The following ZNF780B variants were observed in gnomAD, a reference collection of about 807,000 sequenced individuals.
ZNF780B encodes the protein zinc finger protein 780B.
A neutral mutation model predicts 74.1 loss-of-function variants in ZNF780B; 52 were observed. The ratio of observed to expected loss-of-function variants is 0.70; its 90% CI spans 0.56 to 0.88. The LOEUF (loss-of-function observed/expected upper bound fraction) is 0.88. ZNF780B is among the 40% of genes least tolerant of loss of function. ZNF780B has a pLI of 0.00. For missense variants in ZNF780B, 953 were observed against 1,007.6 expected (o/e 0.95, Z 0.73); for synonymous variants, 315 against 324.3 (o/e 0.97, Z 0.31).
intron 1 of ZNF780B, among the ~76,000 whole-genome samples, chr19:40,052,082 A>C (rs1162125056): frequency 6.6e-6 from 1 of 152,230 alleles, no homozygotes; most frequent in East Asian, 1.9e-4. Flanking sequence ...TAATTTGCTT[A>C]GTGATTTCCA....
chr19:40,051,228 A>G (rs553860769), intron 1 of ZNF780B, among the ~76,000 whole-genome samples: 6 of 149,270 alleles, frequency 4.0e-5, no homozygotes, highest in Non-Finnish European at 8.8e-5. Flanking sequence ...ACACACACAC[A>G]CACACATATA....
In ZNF780B at chr19:40,034,422, T is replaced by A; in HGVS notation, c.2437A>T (p.Asn813Tyr). 1 of 1,614,020 alleles carries A rather than the reference T, an allele frequency of 6.2e-7. No homozygotes were observed. Among genetic ancestry groups the A allele is most frequent in the Non-Finnish European group, 8.5e-7 (1 of 1,179,950 alleles). Reference sequence around the variant, plus strand: ...CTGATGTCTGAAGGCTGTCCCACATTTCTTACATTCAAAGGGTTTCTCACC... The same window carrying A: ...CTGATGTCTGAAGGCTGTCCCACATATCTTACATTCAAAGGGTTTCTCACC... ...VQVRNPLNVRNVGQPSDISSN... is the reference protein window; with the variant it reads ...VQVRNPLNVRYVGQPSDISSN... The change falls in exon 5 of 5, where the codon AAT (asparagine) becomes TAT (tyrosine). Residue 813 changes from asparagine (N) to tyrosine (Y), a missense_variant. Physicochemically the swap from Asn to Tyr is moderately radical, Grantham distance 143. Transcript: ENST00000434248.
Position 40,034,265 on chromosome 19 carries a change from A to G in ZNF780B, c.*92T>C. 9.1e-7 allele frequency: 1 copy of G among 1,100,556 alleles called. No individual in the cohort carries two copies. Among genetic ancestry groups the G allele is most frequent in the East Asian group, 2.4e-5 (1 of 41,096 alleles). 68.2% of individuals were successfully genotyped at this position (1,100,556 alleles called of 1,614,324 possible). A position where few individuals can be genotyped will look rare whatever the true frequency, so the allele number is the denominator to read the frequency against. On this transcript the variant is annotated 3_prime_UTR_variant, in exon 5 of 5. Transcript: ENST00000434248. ...AGCATTTCCCACATCCTTGACATTC[A>G]TAAGGGTTCTCACGAATATGAAATC...
At chr19:40,049,129 G>C in intron 2 of ZNF780B, 1 of 251,238 alleles carries the variant, frequency 4.0e-6, no homozygotes, top group South Asian at 5.2e-5. Flanking sequence ...AGCTACTTGG[G>C]AAGCTGAGGT....
At chr19:40,044,687 T>G (rs1375340590) in intron 4 of ZNF780B, among the ~76,000 whole-genome samples, 2 of 152,114 alleles carry the variant, frequency 1.3e-5, no homozygotes, top group Admixed American at 1.3e-4. Flanking sequence ...GTATAAAACC[T>G]ACTGACACAG....
At chr19:40,049,051 C>A (rs1245668247) in intron 2 of ZNF780B, 3 of 405,520 alleles carry the variant, frequency 7.4e-6, no homozygotes, top group Non-Finnish European at 1.3e-5. Context: ...TAACGAGATG[C>A]ACTCCCTGGA....
At position 40,034,378 on chromosome 19, in the gene ZNF780B, G is replaced by A. The variant is rs531582932; in HGVS notation, c.2481C>T (p.Ile827=). Residue 827 remains isoleucine, a synonymous_variant, in exon 5 of 5, where the codon ATC becomes ATT. Coordinates refer to ENST00000434248, the MANE Select transcript of ZNF780B (RefSeq NM_001005851.3). ...GTTTTCACCCAAGTATGAATTTTCT[G>A]ATGTTCAGTAAGTTGCTACTGATGT... ...PSDISSNLLN[I]RKFILG 6 of 1,607,012 alleles carry A rather than the reference G, an allele frequency of 3.7e-6. No individual in the cohort carries two copies. The highest frequency in any genetic ancestry group is 5.1e-6 in the Non-Finnish European group (6 of 1,175,864).
In ZNF780B at chr19:40,050,308, A is replaced by G; in HGVS notation, c.9+16T>C. ...GAAAGTCACCATATTTCAAGAAGAC[A>G]GAAACACCAACTTACATGGACCATG... On this transcript the variant is annotated intron_variant, in intron 2 of 4. Coordinates refer to ENST00000434248, the MANE Select transcript of ZNF780B (RefSeq NM_001005851.3). 1 of 1,597,122 alleles carries G rather than the reference A, an allele frequency of 6.3e-7. No homozygotes were observed. The highest frequency in any genetic ancestry group is 8.5e-7 in the Non-Finnish European group (1 of 1,178,286).
chr19:40,048,116 A>C (rs1025335543), intron 3 of ZNF780B, among the ~76,000 whole-genome samples: 1 of 152,168 alleles, frequency 6.6e-6, no homozygotes, highest in African/African-American at 2.4e-5. Flanking sequence ...CTGTCAACCC[A>C]ATCAGTATAT....
chr19:40,041,786 G>A (rs1206671910), intron 4 of ZNF780B, among the ~76,000 whole-genome samples: 2 of 151,620 alleles, frequency 1.3e-5, no homozygotes, highest in Non-Finnish European at 1.5e-5. Context: ...CCTTTATTTT[G>A]AGCCTATGTG....
In ZNF780B at chr19:40,035,822, G is replaced by C. The variant is rs2144713553; in HGVS notation, c.1037C>G (p.Thr346Arg). ...AATCTTCTGATGTCGAACAAGCTTTGTCAGAAGAGTAAAGGCCTTTCTGCA... is the reference window on the plus strand; with the variant it reads ...AATCTTCTGATGTCGAACAAGCTTTCTCAGAAGAGTAAAGGCCTTTCTGCA... ...KECRKAFTLL[T>R]KLVRHQKIHM... The change falls in exon 5 of 5, where the codon ACA (threonine) becomes AGA (arginine). Residue 346 changes from threonine to arginine, a missense_variant. By Grantham distance (71) the Thr-to-Arg change is moderately conservative (BLOSUM62 -1). Coordinates refer to ENST00000434248, the MANE Select transcript of ZNF780B (RefSeq NM_001005851.3). The C allele has an allele frequency of 6.2e-7, 1 of 1,614,032 alleles. No individual in the cohort carries two copies. The highest frequency in any genetic ancestry group is 8.5e-7 in the Non-Finnish European group (1 of 1,179,992).
At chr19:40,037,152 T>C (rs140254840) in intron 4 of ZNF780B, among the ~76,000 whole-genome samples, 287 of 152,064 alleles carry the variant, frequency 1.9e-3, no homozygotes, top group Middle Eastern at 0.01. Flanking sequence ...TAACATCAGG[T>C]GATCCACCCA....
In ZNF780B at chr19:40,032,214, T is replaced by C. The variant is rs1206050569; in HGVS notation, c.*2143A>G. On this transcript the variant is annotated 3_prime_UTR_variant, in exon 5 of 5. Coordinates refer to ENST00000434248, the MANE Select transcript of ZNF780B (RefSeq NM_001005851.3). ...AGTGGCTCTCTAACTCTGGTTGGTA[T>C]CACAGACACAAAACCTGGAGAAATA... 2.7e-6 allele frequency: 1 copy of C among 370,034 alleles called. No homozygotes were observed. Among genetic ancestry groups the C allele is most frequent in the African/African-American group, 2.1e-5 (1 of 47,064 alleles). The allele number at this position is 370,034 out of a possible 1,614,324, so 22.9% of individuals were successfully genotyped here.
intron 1 of ZNF780B, among the ~76,000 whole-genome samples, chr19:40,053,767 T>G (rs1357808341): frequency 6.6e-6 from 1 of 152,170 alleles, no homozygotes; most frequent in African/African-American, 2.4e-5. Context: ...CGCAACAACA[T>G]GGATGAACCT....
In ZNF780B at chr19:40,031,556, G is replaced by C. The variant is rs1972001957; in HGVS notation, c.*2801C>G. On this transcript the variant is annotated 3_prime_UTR_variant, in exon 5 of 5. Coordinates refer to ENST00000434248, the MANE Select transcript of ZNF780B (RefSeq NM_001005851.3). ...TCATGTTTTACAGCTTGATTTAAAGGGTTAATATTTTTTCAAATTTTTATC... is the reference window on the plus strand; with the variant it reads ...TCATGTTTTACAGCTTGATTTAAAGCGTTAATATTTTTTCAAATTTTTATC... 6.6e-6 allele frequency: 1 copy of C among 152,574 alleles called. No homozygotes were observed. Among genetic ancestry groups the C allele is most frequent in the Non-Finnish European group, 1.5e-5 (1 of 68,402 alleles). The allele number at this position is 152,574 out of a possible 1,614,324, so 9.5% of individuals were successfully genotyped here. A position where few individuals can be genotyped will look rare whatever the true frequency, so the allele number is the denominator to read the frequency against.
At chr19:40,049,570 G>A (rs750983380) in intron 2 of ZNF780B, among the ~76,000 whole-genome samples, 14 of 152,248 alleles carry the variant, frequency 9.2e-5, no homozygotes, top group African/African-American at 1.2e-4. Flanking sequence ...ACCTTGTCAC[G>A]CTTGCAGACT....
In ZNF780B at chr19:40,036,563, A is replaced by G; in HGVS notation, c.296T>C (p.Leu99Ser). 2 of 1,572,720 alleles carry G rather than the reference A, an allele frequency of 1.3e-6. No homozygotes were observed. The highest frequency in any genetic ancestry group is 2.0e-5 in the Admixed American group (1 of 48,880). Residue 99 changes from leucine to serine, a missense_variant, in exon 5 of 5, where the codon TTA (leucine) becomes TCA (serine). Leu to Ser is a moderately radical substitution (Grantham distance 145). Transcript: ENST00000434248. ...TATTTGCTTTATAACATGTTTGGGT[A>G]AATTTATTTCAAAAATATCATTTTC... ...SPENDIFEINLPKHVIKQISK... is the reference protein window; with the variant it reads ...SPENDIFEINSPKHVIKQISK...
chr19:40,036,141 T>C lies in ZNF780B; in HGVS notation c.718A>G (p.Lys240Glu), dbSNP rs1489897637. 6.2e-7 allele frequency: 1 copy of C among 1,613,908 alleles called. No homozygotes were observed. Among genetic ancestry groups the C allele is most frequent in the Non-Finnish European group, 8.5e-7 (1 of 1,179,986 alleles). The change falls in exon 5 of 5, where the codon AAG becomes GAG. Residue 240 changes from lysine to glutamate, a missense_variant. Lys to Glu is a moderately conservative substitution (Grantham distance 56). Coordinates refer to ENST00000434248, the MANE Select transcript of ZNF780B (RefSeq NM_001005851.3). ...FNLPTQLNRH[K>E]NIHTVKKLFE... ...AGTTTCTTAACTGTGTGAATGTTCT[T>C]ATGGCGATTAAGCTGGGTGGGAAGA...
chr19:40,037,877 CT>C (rs537508973), intron 4 of ZNF780B, among the ~76,000 whole-genome samples: 1,814 of 135,236 alleles, frequency 0.013, 16 homozygotes, highest in Non-Finnish European at 0.02. Flanking sequence ...TCCAACTCCT[CT>C]TTTTTTTTTT....
Sources: allele counts gnomAD v4.1 joint callset (sites outside exome capture counted in the v4.1 genomes callset), GRCh38; gene constraint gnomAD v4.1.1; transcripts MANE v1.5; gene names NCBI Gene and HGNC (gene_info 2026-07-23, HGNC 2026-07-21).